Variants in AR observed in about 807,000 individuals in gnomAD.
AR encodes the protein androgen receptor.
In AR, 8 loss-of-function variants were observed where a neutral mutation model predicts 53.9. The observed-to-expected ratio is 0.15, with a 90% CI of 0.09 to 0.27. The LOEUF is 0.27. AR is among the 10% of genes least tolerant of loss of function. The pLI is 1.00. For synonymous variants in AR, 359 were observed against 316.4 expected (o/e 1.13, Z -1.43); for missense variants, 639 against 742.5 (o/e 0.86, Z 1.62).
chrX:67,668,105 A>G (rs1196374464), intron 2 of AR, among the ~76,000 whole-genome samples: 1 of 111,886 alleles, frequency 8.9e-6, no homozygotes, highest in Non-Finnish European at 1.9e-5. Flanking sequence ...ACTCTGTTGA[A>G]TAACAGTGGG....
chrX:67,681,108 A>G (rs1308620258), intron 2 of AR: 1 of 132,673 alleles, frequency 7.5e-6, no homozygotes, highest in Non-Finnish European at 1.5e-5. Context: ...CAACATGAGA[A>G]GATTTTTGTA....
intron 2 of AR, among the ~76,000 whole-genome samples, chrX:67,670,820 A>G (rs922724820): frequency 2.7e-5 from 3 of 110,526 alleles, no homozygotes; most frequent in Non-Finnish European, 5.7e-5. Context: ...CTCATTGTTC[A>G]ACTGCCACTT....
intron 1 of AR, among the ~76,000 whole-genome samples, chrX:67,565,849 T>C (rs1275192778): frequency 9.0e-6 from 1 of 111,424 alleles, no homozygotes; most frequent in African/African-American, 3.3e-5. Context: ...TGTGCTACAA[T>C]GCCTGGCTAA....
chrX:67,666,736 T>G (rs1001001409), intron 2 of AR, among the ~76,000 whole-genome samples: 21 of 111,855 alleles, frequency 1.9e-4, no homozygotes, highest in African/African-American at 6.8e-4. Context: ...TGCCTGTTCT[T>G]TGGATGAAAG....
rs1569288830 is a variant in AR, at chrX:67,631,507, T to A, written c.1617-11749T>A. Reference sequence around the variant, plus strand: ...CAGCTCCATCAGCTCCTTTAAGCACTTCTCTGTATTGGTTATTCTAGTTAT... The same window carrying A: ...CAGCTCCATCAGCTCCTTTAAGCACATCTCTGTATTGGTTATTCTAGTTAT... On this transcript the variant is annotated intron_variant, in intron 1 of 7. Coordinates refer to ENST00000374690, the MANE Select transcript of AR (RefSeq NM_000044.6). 3.6e-5 allele frequency among the ~76,000 whole-genome samples: 4 copies of A among 112,174 alleles called. No homozygotes were observed. In the Admixed American group the frequency reaches 3.8e-4, roughly 11 times the overall value.
intron 1 of AR, chrX:67,568,943 G>A (rs1189554550): frequency 2.5e-6 from 3 of 1,208,073 alleles, no homozygotes; most frequent in African/African-American, 1.8e-5. Context: ...ACCGGACTTT[G>A]TACAGGGAAC....
chrX:67,676,757 C>T (rs769450643), intron 2 of AR, among the ~76,000 whole-genome samples: 3 of 111,437 alleles, frequency 2.7e-5, no homozygotes, highest in South Asian at 7.5e-4. Flanking sequence ...GTGATATTAT[C>T]GGAATGAATT....
At chrX:67,621,541 A>T (rs1169896386) in intron 1 of AR, among the ~76,000 whole-genome samples, 7 of 110,151 alleles carry the variant, frequency 6.4e-5, no homozygotes, top group Non-Finnish European at 1.3e-4. Context: ...CTGGTGTGTG[A>T]TGTTCCCCTC....
intron 1 of AR, among the ~76,000 whole-genome samples, chrX:67,604,029 A>G (rs1923503826): frequency 9.0e-6 from 1 of 110,849 alleles, no homozygotes; most frequent in Non-Finnish European, 1.9e-5. Context: ...TAGTACCAAG[A>G]CAGCTTGGCT....
chrX:67,597,468 A>G (rs1923136342), intron 1 of AR, among the ~76,000 whole-genome samples: 2 of 111,962 alleles, frequency 1.8e-5, no homozygotes, highest in South Asian at 3.7e-4. Context: ...AGGTACTTGT[A>G]GTAAGAGCAT....
At chrX:67,649,255 T>G (rs933622845) in intron 2 of AR, among the ~76,000 whole-genome samples, 4 of 112,688 alleles carry the variant, frequency 3.5e-5, no homozygotes, top group African/African-American at 1.3e-4. Flanking sequence ...GTGCCACATT[T>G]TCTTTATCCA....
At chrX:67,666,399 T>C (rs919765089) in intron 2 of AR, among the ~76,000 whole-genome samples, 22 of 112,234 alleles carry the variant, frequency 2.0e-4, no homozygotes, top group African/African-American at 7.1e-4. Flanking sequence ...GATCTCTTTC[T>C]TTTTTATGGC....
At chrX:67,662,941 T>A (rs909869029) in intron 2 of AR, among the ~76,000 whole-genome samples, 1 of 111,649 alleles carries the variant, frequency 9.0e-6, no homozygotes, top group Non-Finnish European at 1.9e-5. Context: ...AGACTAGGAT[T>A]GCAATCCCTG....
intron 2 of AR, among the ~76,000 whole-genome samples, chrX:67,662,575 G>T (rs866652059): frequency 1.8e-5 from 2 of 111,419 alleles, no homozygotes; most frequent in African/African-American, 6.5e-5. Flanking sequence ...TATAATTTCT[G>T]TTCTTTTACA....
intron 3 of AR, among the ~76,000 whole-genome samples, chrX:67,707,970 C>A (rs1176132733): frequency 2.7e-5 from 3 of 111,845 alleles, no homozygotes; most frequent in African/African-American, 9.8e-5. Context: ...GAATATTGGC[C>A]CCCACTCTCT....
intron 1 of AR, among the ~76,000 whole-genome samples, chrX:67,579,150 C>T (rs770162921): frequency 1.9e-4 from 21 of 112,005 alleles, no homozygotes; most frequent in Admixed American, 1.6e-3. Flanking sequence ...TCTCTCTCAA[C>T]GTAGCTCTTT....
intron 1 of AR, among the ~76,000 whole-genome samples, chrX:67,634,675 G>A (rs1032687820): frequency 9.0e-6 from 1 of 111,147 alleles, no homozygotes; most frequent in African/African-American, 3.3e-5. Flanking sequence ...CAAATCTCAC[G>A]GTGGCAGGGA....
At chrX:67,683,002 A>C (rs751379488) in intron 2 of AR, among the ~76,000 whole-genome samples, 1 of 112,406 alleles carries the variant, frequency 8.9e-6, no homozygotes, top group Admixed American at 9.4e-5. Flanking sequence ...ATGTGTACCC[A>C]TTTGTATGTT....
Position 67,545,524 on chromosome X carries a change from C to T in AR, c.378C>T (p.His126=), listed in dbSNP as rs1299700689. Residue 126 remains histidine, a synonymous_variant, in exon 1 of 8, where the codon CAC becomes CAT. Coordinates refer to ENST00000374690, the MANE Select transcript of AR (RefSeq NM_000044.6). The stretch of plus-strand genomic sequence containing the variant: ...AGCCGCAGTCGGCCCTGGAGTGCCA[C>T]CCCGAGAGAGGTTGCGTCCCAGAGC... ...PSQPQSALEC[H]PERGCVPEPG... The T allele has an allele frequency of 8.4e-7, 1 of 1,188,831 alleles. No individual in the cohort carries two copies. Among genetic ancestry groups the T allele is most frequent in the Non-Finnish European group, 1.1e-6 (1 of 884,115 alleles).
Sources: gnomAD v4.1 joint callset for allele counts (sites outside exome capture counted in the v4.1 genomes callset) on GRCh38, gnomAD v4.1.1 for gene constraint, MANE v1.5 for transcripts, NCBI Gene and HGNC (gene_info 2026-07-23, HGNC 2026-07-21) for gene names.